NEURL1: variants seen among roughly 807,000 people sequenced by gnomAD.
NEURL1 encodes E3 ubiquitin-protein ligase NEURL1.
Under a neutral mutation model 41.2 loss-of-function variants are expected in NEURL1, and 26 were observed. That is an observed-to-expected ratio of 0.63 (90% confidence interval 0.46 to 0.87). The LOEUF (loss-of-function observed/expected upper bound fraction) is 0.87, where lower values mean the gene tolerates loss of function less well. Ranked by LOEUF, NEURL1 falls within the 40% of genes least tolerant of loss-of-function variation. NEURL1 has a pLI of 0.00. For missense variants in NEURL1, 761 were observed against 871.1 expected (o/e 0.87, Z 1.59); for synonymous variants, 400 against 402.3 (o/e 0.99, Z 0.07).
At chr10:103,570,748 G>A in intron 1 of NEURL1, 124 bp from the exon 2 acceptor site, 1 of 1,478,106 alleles carries the variant, frequency 6.8e-7, no homozygotes, top group Non-Finnish European at 9.1e-7. Flanking sequence ...GGTGGCGGCA[G>A]TGGTGAAAGA....
chr10:103,515,870 A>G (rs2034193133), intron 1 of NEURL1, among the ~76,000 whole-genome samples: 1 of 152,170 alleles, frequency 6.6e-6, no homozygotes, highest in South Asian at 2.1e-4. Flanking sequence ...TAGGGGAGGG[A>G]TGCTGAAGCC....
At position 103,589,614 on chromosome 10, in the gene NEURL1, C is replaced by T; in HGVS notation, c.1440C>T (p.Pro480=). ...CCCTGGGCAGCCGCCTGTCTGACCC[C>T]TTGCTCAGCACGTGCAGCTCTGGCC... The part of the protein sequence containing the change: ...PSALGSRLSD[P]LLSTCSSGPL... The change falls in exon 5 of 6, where the codon CCC becomes CCT. Residue 480 remains proline, a synonymous_variant. Coordinates refer to ENST00000369780, the MANE Select transcript of NEURL1 (RefSeq NM_004210.5). The T allele has an allele frequency of 1.9e-6, 3 of 1,613,980 alleles. No homozygotes were observed. The highest frequency in any genetic ancestry group is 2.5e-6 in the Non-Finnish European group (3 of 1,179,902).
chr10:103,573,856 C>T (rs12411463), intron 3 of NEURL1, among the ~76,000 whole-genome samples: 38,889 of 152,156 alleles, frequency 0.26, 5,792 homozygotes, highest in African/African-American at 0.4. Flanking sequence ...AAGCCCCCTC[C>T]CTCCCTGAAA....
chr10:103,502,243 G>T (rs1163027259), intron 1 of NEURL1, among the ~76,000 whole-genome samples: 1 of 152,182 alleles, frequency 6.6e-6, no homozygotes, highest in Non-Finnish European at 1.5e-5. Context: ...CTTTTCCTGG[G>T]CCCTCTGGGA....
At chr10:103,533,977 A>G (rs1011214973) in intron 1 of NEURL1, among the ~76,000 whole-genome samples, 1 of 151,984 alleles carries the variant, frequency 6.6e-6, no homozygotes, top group Non-Finnish European at 1.5e-5. Context: ...AGCTCAAATG[A>G]CCTACCTTTC....
intron 4 of NEURL1, chr10:103,588,719 G>A: frequency 2.3e-6 from 1 of 430,250 alleles, no homozygotes; most frequent in Non-Finnish European, 4.7e-6. Flanking sequence ...GCCGAGGCTG[G>A]CAGATCACGA....
At chr10:103,547,197 G>A (rs1026487538) in intron 1 of NEURL1, among the ~76,000 whole-genome samples, 2 of 152,240 alleles carry the variant, frequency 1.3e-5, no homozygotes, top group Non-Finnish European at 2.9e-5. Flanking sequence ...AACCCGGGAA[G>A]TTTGACTCTG....
intron 4 of NEURL1, among the ~76,000 whole-genome samples, chr10:103,586,426 C>T (rs2035926025): frequency 6.6e-6 from 1 of 152,242 alleles, no homozygotes; most frequent in South Asian, 2.1e-4. Flanking sequence ...ATTCGGTAGA[C>T]CTTGGACAGG....
intron 1 of NEURL1, among the ~76,000 whole-genome samples, chr10:103,518,898 A>G (rs2034278583): frequency 6.6e-6 from 1 of 152,204 alleles, no homozygotes; most frequent in Non-Finnish European, 1.5e-5. Context: ...ACTCCACACA[A>G]ATCAGTACTG....
chr10:103,512,656 G>C (rs2034099920), intron 1 of NEURL1, among the ~76,000 whole-genome samples: 2 of 152,180 alleles, frequency 1.3e-5, no homozygotes, highest in Admixed American at 1.3e-4. Context: ...AAAAGGACGG[G>C]AGCTGTGCTG....
Position 103,571,533 on chromosome 10 carries a change from C to T in NEURL1, c.360C>T (p.Ala120=). 1 of 1,609,552 alleles carries T rather than the reference C, an allele frequency of 6.2e-7. No homozygotes were observed. The highest frequency in any genetic ancestry group is 8.5e-7 in the Non-Finnish European group (1 of 1,179,864). The change falls in exon 3 of 6, where the codon GCC becomes GCT. Residue 120 remains alanine, a synonymous_variant. Transcript: ENST00000369780. ...ITKKQCCWSG[A]LRLGFTSKDP... ...AGAAGCAGTGCTGCTGGAGCGGGGCCCTGCGGCTGGGCTTCACCAGCAAGG... is the reference window on the plus strand; with the variant it reads ...AGAAGCAGTGCTGCTGGAGCGGGGCTCTGCGGCTGGGCTTCACCAGCAAGG...
rs201585235 is a variant in NEURL1 at position 103,571,678 on chromosome 10, G to T, written c.505G>T (p.Ala169Ser). The T allele has an allele frequency of 1.2e-5, 20 of 1,614,210 alleles. No homozygotes were observed. The East Asian group carries it at 2.5e-4, about 20-fold the overall frequency. Residue 169 changes from alanine to serine, a missense_variant, in exon 3 of 6, where the codon GCA (alanine) becomes TCA (serine). Ala to Ser is a moderately conservative substitution (Grantham distance 99, BLOSUM62 1). Around this residue, in one of 5 missense-constraint regions of NEURL1, gnomAD observed 114 missense variants for 144.8 expected, o/e 0.79. Coordinates refer to ENST00000369780, the MANE Select transcript of NEURL1 (RefSeq NM_004210.5). ...EEFANEGNII[A>S]FWVDKKGRVF... ...GTTTGCCAATGAGGGCAACATCATC[G>T]CATTCTGGGTGGACAAGAAGGGCCG...
chr10:103,557,105 T>C (rs2035172937), intron 1 of NEURL1, among the ~76,000 whole-genome samples: 1 of 152,138 alleles, frequency 6.6e-6, no homozygotes, highest in Non-Finnish European at 1.5e-5. Flanking sequence ...CACCTGTCAA[T>C]GAGGCTAGTA....
At position 103,558,168 on chromosome 10, in the gene NEURL1, G is replaced by A. The variant is rs1386173757; in HGVS notation, c.86-12704G>A. 24 of 985,236 alleles carry A rather than the reference G, an allele frequency of 2.4e-5. No homozygotes were observed. Among genetic ancestry groups the A allele is most frequent in the Non-Finnish European group, 2.8e-5 (23 of 829,948 alleles). 61.0% of individuals were successfully genotyped at this position (985,236 alleles called of 1,614,324 possible). On this transcript the variant is annotated intron_variant, in intron 1 of 5. Transcript: ENST00000369780. The surrounding 1 kb of genome is among the most constrained non-coding windows in gnomAD (Gnocchi z 4.2). ...GCTGGGTTTACAGGTGTGAGCCACC[G>A]CGCTTGGCTGATTGTATTTTCTTTA... is the stretch of plus-strand genomic sequence containing the variant.
chr10:103,567,984 A>G (rs1339485174), intron 1 of NEURL1, among the ~76,000 whole-genome samples: 1 of 152,198 alleles, frequency 6.6e-6, no homozygotes. Context: ...TTTCACATCC[A>G]TGTGTACATG....
In NEURL1 at chr10:103,523,961, G is replaced by T. The variant is rs149399900; in HGVS notation, c.85+29489G>T. ...CTTTCCTTTGGATATATACCTAGTA[G>T]AAGGATTGCTGGGTCATATGGCAGT... On this transcript the variant is annotated intron_variant, in intron 1 of 5. Transcript: ENST00000369780. Among the ~76,000 whole-genome samples the T allele has an allele frequency of 9.4e-3, 1,431 of 152,262 alleles. 19 individuals are homozygous for T. The highest frequency in any genetic ancestry group is 0.032 in the African/African-American group (1,333 of 41,546).
chr10:103,555,396 C>G (rs754830675), intron 1 of NEURL1: 9 of 1,360,104 alleles, frequency 6.6e-6, no homozygotes, highest in Non-Finnish European at 7.8e-6. Context: ...GGACAGATCA[C>G]CCGGAGCACT....
At chr10:103,519,411 T>C (rs749182952) in intron 1 of NEURL1, among the ~76,000 whole-genome samples, 1 of 152,210 alleles carries the variant, frequency 6.6e-6, no homozygotes, top group Non-Finnish European at 1.5e-5. Flanking sequence ...TTGCCAGTGG[T>C]TGTGCCTATG....
chr10:103,572,224 C>T (rs946714978), intron 3 of NEURL1, among the ~76,000 whole-genome samples: 6 of 152,220 alleles, frequency 3.9e-5, no homozygotes, highest in African/African-American at 9.7e-5. Context: ...GGAGGGAGAC[C>T]CCTTCATTGG....
Sources: allele counts gnomAD v4.1 joint callset (sites outside exome capture counted in the v4.1 genomes callset), GRCh38; gene constraint gnomAD v4.1.1; regional missense constraint gnomAD v4.1.1; non-coding constraint Gnocchi (gnomAD v3.1); transcripts MANE v1.5; gene names NCBI Gene and HGNC (gene_info 2026-07-23, HGNC 2026-07-21).